The following GPHN variants were observed in gnomAD, a reference collection of about 807,000 sequenced individuals.
GPHN encodes the protein gephyrin.
A neutral mutation model predicts 95.5 loss-of-function variants in GPHN; 17 were observed. The observed-to-expected ratio is 0.18, with a 90% CI of 0.12 to 0.27. The LOEUF (loss-of-function observed/expected upper bound fraction) is 0.27, where lower values mean the gene tolerates loss of function less well. Among genes scored for constraint, GPHN ranks in the 10% least tolerant of loss-of-function variants. The probability of loss-of-function intolerance (pLI) is 1.00; values close to 1 mark genes in which losing one functional copy is unlikely to be tolerated. For missense variants in GPHN, 660 were observed against 978.1 expected (o/e 0.67, Z 4.34); for synonymous variants, 320 against 322.5 (o/e 0.99, Z 0.08).
At chr14:67,345,826 T>TTA in the GPHN span, 1 of 1,614,160 alleles carries the variant, frequency 6.2e-7, no homozygotes, top group Admixed American at 1.7e-5. Flanking sequence ...CCTCTTTAAT[T>TTA]TAGCCAACTG....
chr14:66,922,991 C>T, intron 7 of GPHN, 53 bp downstream of exon 7: 1 of 1,455,324 alleles, frequency 6.9e-7, no homozygotes, highest in Non-Finnish European at 9.4e-7. Context: ...GGTAAATGTA[C>T]TGGTTTCATC....
At chr14:66,956,326 T>C (rs1366707918) in intron 8 of GPHN, among the ~76,000 whole-genome samples, 2 of 152,158 alleles carry the variant, frequency 1.3e-5, no homozygotes, top group South Asian at 2.1e-4. Flanking sequence ...TCCTTTATGA[T>C]TTTCTCTTTC....
At chr14:67,064,383 T>C (rs970551305) in intron 11 of GPHN, among the ~76,000 whole-genome samples, 2 of 152,154 alleles carry the variant, frequency 1.3e-5, no homozygotes, top group Non-Finnish European at 2.9e-5. Context: ...GGGATATTGG[T>C]CTAAAATTCT....
chr14:66,928,879 T>C (rs922745495), intron 8 of GPHN, among the ~76,000 whole-genome samples: 33 of 152,152 alleles, frequency 2.2e-4, no homozygotes, highest in African/African-American at 7.5e-4. Flanking sequence ...TTAGATAAGA[T>C]ACATATGATT....
chr14:66,780,283 C>T lies in GPHN; in HGVS notation c.201+3762C>T, dbSNP rs576515435. Among the ~76,000 whole-genome samples the T allele has an allele frequency of 5.3e-5, 8 of 152,166 alleles. No homozygotes were observed. The South Asian group carries it at 1.7e-3, about 32-fold the overall frequency. On this transcript the variant is annotated intron_variant, in intron 3 of 22. Transcript: ENST00000478722. ...ATCAGCCTGGAACTCAGAAGAGAGA[C>T]ACAATCTAGTAATTGATATTAAGGT...
chr14:67,193,779 CAAA>C, the GPHN span, among the ~76,000 whole-genome samples: 1 of 88,858 alleles, frequency 1.1e-5, no homozygotes, highest in Non-Finnish European at 2.4e-5. Flanking sequence ...CCAATTTCTA[CAAA>C]AAAAAAAAAA....
chr14:67,571,814 C>G, the GPHN span: 1 of 1,613,832 alleles, frequency 6.2e-7, no homozygotes, highest in East Asian at 2.2e-5. Context: ...ACGATGACTG[C>G]AGCTCTCAGG....
At chr14:67,261,146 C>T in the GPHN span, among the ~76,000 whole-genome samples, 7 of 152,190 alleles carry the variant, frequency 4.6e-5, no homozygotes, top group East Asian at 1.9e-4. Flanking sequence ...ATAGTAAATT[C>T]TCAGGAAACA....
chr14:67,197,255 G>C, the GPHN span: 1 of 152,180 alleles, frequency 6.6e-6, no homozygotes, highest in Admixed American at 6.6e-5. Flanking sequence ...TCTTTTTGTT[G>C]TTTCTTTTAC....
At chr14:67,041,002 C>G (rs1166326698) in intron 10 of GPHN, among the ~76,000 whole-genome samples, 2 of 152,234 alleles carry the variant, frequency 1.3e-5, no homozygotes, top group East Asian at 3.9e-4. Context: ...ACCTTCTAGT[C>G]TTAGCATTAA....
At chr14:67,601,681 T>C in the GPHN span, among the ~76,000 whole-genome samples, 5 of 152,058 alleles carry the variant, frequency 3.3e-5, no homozygotes, top group African/African-American at 1.2e-4. Flanking sequence ...GGAGGGCAGA[T>C]CACTTGGGTC....
intron 1 of GPHN, among the ~76,000 whole-genome samples, chr14:66,650,599 T>TGTG (rs1337530267): frequency 6.6e-6 from 1 of 152,220 alleles, no homozygotes; most frequent in Non-Finnish European, 1.5e-5. Flanking sequence ...AATGAATCAC[T>TGTG]GTGGTATGCA....
chr14:67,380,781 A>C, the GPHN span: 1 of 1,430,748 alleles, frequency 7.0e-7, no homozygotes, highest in South Asian at 1.4e-5. Context: ...TGATTTTTTA[A>C]ATGATTTTTA....
At chr14:66,525,834 C>T (rs2058669036) in intron 1 of GPHN, among the ~76,000 whole-genome samples, 1 of 151,982 alleles carries the variant, frequency 6.6e-6, no homozygotes, top group Admixed American at 6.6e-5. Context: ...TGTTCTGTTC[C>T]ATCGGTTTAT....
At chr14:67,611,457 G>T in the GPHN span, among the ~76,000 whole-genome samples, 1 of 151,794 alleles carries the variant, frequency 6.6e-6, no homozygotes, top group Admixed American at 6.6e-5. Context: ...AGTAGAGATG[G>T]GGTTTCACCG....
chr14:66,557,983 A>T (rs995060246), intron 1 of GPHN, among the ~76,000 whole-genome samples: 1 of 152,156 alleles, frequency 6.6e-6, no homozygotes, highest in African/African-American at 2.4e-5. Flanking sequence ...ATTACTATTC[A>T]CTTGAGACAA....
chr14:67,171,466 C>A (rs965914642), intron 21 of GPHN, among the ~76,000 whole-genome samples: 18 of 152,120 alleles, frequency 1.2e-4, no homozygotes, highest in African/African-American at 4.3e-4. Flanking sequence ...CAAGGACCTT[C>A]TATCATGTGT....
At chr14:66,930,473 A>G (rs2066727135) in intron 8 of GPHN, among the ~76,000 whole-genome samples, 1 of 150,260 alleles carries the variant, frequency 6.7e-6, no homozygotes, top group South Asian at 2.1e-4. Context: ...AGTTTTAAAC[A>G]TTTTATTTTT....
At chr14:67,163,176 C>G (rs1294159582) in intron 19 of GPHN, among the ~76,000 whole-genome samples, 1 of 151,846 alleles carries the variant, frequency 6.6e-6, no homozygotes, top group Non-Finnish European at 1.5e-5. Context: ...CATGGTGGTG[C>G]ATGCCTGTAG....
Sources: allele counts gnomAD v4.1 joint callset (sites outside exome capture counted in the v4.1 genomes callset), GRCh38; gene constraint gnomAD v4.1.1; transcripts MANE v1.5; gene names NCBI Gene and HGNC (gene_info 2026-07-23, HGNC 2026-07-21).